ZCCHC24: variants seen among roughly 807,000 people sequenced by gnomAD.
ZCCHC24 encodes the protein zinc finger CCHC-type containing 24, also known as zinc finger CCHC domain-containing protein 24.
Under a neutral mutation model 26.2 loss-of-function variants are expected in ZCCHC24, and 10 were observed. The ratio of observed to expected loss-of-function variants is 0.38; its 90% CI spans 0.24 to 0.65. ZCCHC24 has a LOEUF of 0.65. Among genes scored for constraint, ZCCHC24 ranks in the 30% least tolerant of loss-of-function variants. The probability of loss-of-function intolerance (pLI) is 0.54; values close to 1 mark genes in which losing one functional copy is unlikely to be tolerated. For missense variants in ZCCHC24, 243 were observed against 329.1 expected, an observed-to-expected ratio of 0.74 and a Z score of 2.03; for synonymous variants, 144 against 147.1, an observed-to-expected ratio of 0.98 and a Z score of 0.15.
At chr10:79,441,688 GGAAGGAC>G (rs11279156) in intron 1 of ZCCHC24, among the ~76,000 whole-genome samples, 3,941 of 152,240 alleles carry the variant, frequency 0.026, 168 homozygotes, top group African/African-American at 0.091. Flanking sequence ...CCAAGGGAAA[GGAAGGAC>G]ACTGTGTCTT....
intron 2 of ZCCHC24, among the ~76,000 whole-genome samples, chr10:79,416,968 G>A (rs1379649013): frequency 2.0e-5 from 3 of 152,204 alleles, no homozygotes; most frequent in Admixed American, 1.3e-4. Context: ...TGCTCAGAGT[G>A]GGCACCACGG....
chr10:79,405,611 C>T (rs1445000197), intron 2 of ZCCHC24, among the ~76,000 whole-genome samples: 1 of 152,220 alleles, frequency 6.6e-6, no homozygotes, highest in Non-Finnish European at 1.5e-5. Flanking sequence ...TGTCTGAAGG[C>T]GTCCCTGGCA....
At chr10:79,437,754 C>T (rs902809353) in intron 1 of ZCCHC24, among the ~76,000 whole-genome samples, 4 of 152,196 alleles carry the variant, frequency 2.6e-5, no homozygotes, top group Non-Finnish European at 5.9e-5. Flanking sequence ...CTGCAGAATA[C>T]GGGGTGCAGA....
intron 2 of ZCCHC24, among the ~76,000 whole-genome samples, chr10:79,405,578 AG>A (rs1337960084): frequency 6.6e-6 from 1 of 152,232 alleles, no homozygotes; most frequent in Non-Finnish European, 1.5e-5. Context: ...CCATTTGCAC[AG>A]GGCAGCTGGC....
intron 2 of ZCCHC24, among the ~76,000 whole-genome samples, chr10:79,398,916 G>A (rs1387953657): frequency 2.0e-5 from 3 of 152,198 alleles, no homozygotes; most frequent in Admixed American, 1.3e-4. Flanking sequence ...TGCTTCCAGT[G>A]CGTGAAGGGC....
chr10:79,404,677 C>T (rs1026343304), intron 2 of ZCCHC24, among the ~76,000 whole-genome samples: 1 of 152,220 alleles, frequency 6.6e-6, no homozygotes, highest in Non-Finnish European at 1.5e-5. Flanking sequence ...CTGCACCTCT[C>T]TCTCCTGCTG....
Position 79,382,859 on chromosome 10 carries a change from G to A in ZCCHC24, c.*3486C>T, listed in dbSNP as rs1423991058. ...CAAAGCTCCCGAGCGGCGAGGCCAG[G>A]CTTTGCCCCACTTCTTCTTCCCTCC... On this transcript the variant is annotated 3_prime_UTR_variant, in exon 4 of 4. Coordinates refer to ENST00000372336, the MANE Select transcript of ZCCHC24 (RefSeq NM_153367.4). The A allele has an allele frequency of 2.0e-5, 3 of 152,758 alleles. No homozygotes were observed. Among genetic ancestry groups the A allele is most frequent in the African/African-American group, 7.2e-5 (3 of 41,468 alleles). 9.5% of individuals were successfully genotyped at this position (152,758 alleles called of 1,614,324 possible). A position where few individuals can be genotyped will look rare whatever the true frequency, so the allele number is the denominator to read the frequency against.
intron 2 of ZCCHC24, among the ~76,000 whole-genome samples, chr10:79,408,784 G>A (rs1038669617): frequency 6.6e-6 from 1 of 152,102 alleles, no homozygotes; most frequent in Admixed American, 6.5e-5. Flanking sequence ...AACTGCAAAA[G>A]GTGGGTGTTT....
At chr10:79,411,551 G>T (rs1856792285) in intron 2 of ZCCHC24, among the ~76,000 whole-genome samples, 1 of 152,196 alleles carries the variant, frequency 6.6e-6, no homozygotes. Flanking sequence ...TAGAGGGAAA[G>T]GTGGCCCCAG....
intron 3 of ZCCHC24, among the ~76,000 whole-genome samples, chr10:79,392,854 T>G (rs561454511): frequency 6.6e-6 from 1 of 152,256 alleles, no homozygotes; most frequent in African/African-American, 2.4e-5. Flanking sequence ...AAGTTCCCCA[T>G]GTAAAAGTAA....
Position 79,383,717 on chromosome 10 carries a change from A to T in ZCCHC24, c.*2628T>A, listed in dbSNP as rs759719041. The stretch of plus-strand genomic sequence containing the variant: ...TTTTTCGGGAAAAGCTACCAAATTC[A>T]GTGTTGTGAGAAAAACTGGTAACCA... On this transcript the variant is annotated 3_prime_UTR_variant, in exon 4 of 4. Coordinates refer to ENST00000372336, the MANE Select transcript of ZCCHC24 (RefSeq NM_153367.4). The T allele has an allele frequency of 6.6e-6, 1 of 152,446 alleles. No individual in the cohort carries two copies. Among genetic ancestry groups the T allele is most frequent in the Non-Finnish European group, 1.5e-5 (1 of 68,010 alleles). The allele number at this position is 152,446 out of a possible 1,614,324, so 9.4% of individuals were successfully genotyped here.
intron 2 of ZCCHC24, among the ~76,000 whole-genome samples, chr10:79,407,935 T>C (rs921194963): frequency 1.3e-5 from 2 of 152,166 alleles, no homozygotes; most frequent in Non-Finnish European, 2.9e-5. Flanking sequence ...CTGGCTCTCC[T>C]GGCCCAGCCC....
chr10:79,421,111 G>A (rs1038743025), intron 2 of ZCCHC24, among the ~76,000 whole-genome samples: 5 of 152,046 alleles, frequency 3.3e-5, no homozygotes, highest in Admixed American at 1.3e-4. Flanking sequence ...GGAGAGCCTC[G>A]AGGCCCGGAC....
At chr10:79,415,749 A>G (rs1856851091) in intron 2 of ZCCHC24, among the ~76,000 whole-genome samples, 1 of 152,084 alleles carries the variant, frequency 6.6e-6, no homozygotes, top group Non-Finnish European at 1.5e-5. Flanking sequence ...GCCTCTGCCC[A>G]ACTTCAGCTT....
intron 2 of ZCCHC24, among the ~76,000 whole-genome samples, chr10:79,396,351 G>A (rs1200914931): frequency 6.6e-6 from 1 of 152,182 alleles, no homozygotes; most frequent in Non-Finnish European, 1.5e-5. Flanking sequence ...AAAGTTGAAT[G>A]AGTTACCCTA....
At chr10:79,420,617 A>G (rs558215686) in intron 2 of ZCCHC24, among the ~76,000 whole-genome samples, 1 of 152,296 alleles carries the variant, frequency 6.6e-6, no homozygotes, top group East Asian at 1.9e-4. Context: ...TGTCTCTACT[A>G]AAAATACAAA....
intron 3 of ZCCHC24, among the ~76,000 whole-genome samples, chr10:79,392,135 C>G (rs1207949074): frequency 1.3e-5 from 2 of 152,046 alleles, no homozygotes; most frequent in Admixed American, 6.5e-5. Flanking sequence ...ATAGGCCCAC[C>G]CCCCAACCAT....
intron 2 of ZCCHC24, among the ~76,000 whole-genome samples, chr10:79,431,775 A>T (rs1857133456): frequency 6.6e-6 from 1 of 152,214 alleles, no homozygotes; most frequent in African/African-American, 2.4e-5. Context: ...ATGCCACATT[A>T]TAAAAAAAGT....
At chr10:79,442,113 A>C (rs1466737054) in intron 1 of ZCCHC24, among the ~76,000 whole-genome samples, 4 of 152,230 alleles carry the variant, frequency 2.6e-5, no homozygotes, top group Non-Finnish European at 5.9e-5. Flanking sequence ...GGCTCAGCCA[A>C]GGGCCTTAGG....
Sources: gnomAD v4.1 joint callset for allele counts (sites outside exome capture counted in the v4.1 genomes callset) on GRCh38, gnomAD v4.1.1 for gene constraint, MANE v1.5 for transcripts, NCBI Gene and HGNC (gene_info 2026-07-23, HGNC 2026-07-21) for gene names.